METTL24: variants seen among roughly 807,000 people sequenced by gnomAD.
METTL24 encodes methyltransferase like 24.
METTL24 carries 29 observed loss-of-function variants against 32.7 expected under a neutral mutation model. The observed-to-expected ratio is 0.89, with a 90% CI of 0.66 to 1.21. The LOEUF is 1.21. Ranked by LOEUF, METTL24 falls within the 50% of genes most tolerant of loss-of-function variation. The pLI is 0.00. For missense variants in METTL24, 439 were observed against 468.1 expected (o/e 0.94, Z 0.57); for synonymous variants, 163 against 179.5 (o/e 0.91, Z 0.73).
chr6:110,266,234 T>C (rs1770855893), intron 4 of METTL24, among the ~76,000 whole-genome samples: 1 of 152,112 alleles, frequency 6.6e-6, no homozygotes, highest in Non-Finnish European at 1.5e-5. Context: ...ATTTTTAAAC[T>C]ACTGTTACTT....
chr6:110,312,463 G>A (rs1022058023), intron 3 of METTL24, among the ~76,000 whole-genome samples: 1 of 152,122 alleles, frequency 6.6e-6, no homozygotes, highest in Non-Finnish European at 1.5e-5. Context: ...GTGTCCATTA[G>A]TGATAAATAA....
chr6:110,316,270 G>C (rs1771817646), intron 2 of METTL24, among the ~76,000 whole-genome samples: 1 of 152,204 alleles, frequency 6.6e-6, no homozygotes, highest in Non-Finnish European at 1.5e-5. Context: ...TCAAGCAAAA[G>C]CAAGTCTCTA....
At chr6:110,308,637 A>T (rs1486928431) in intron 3 of METTL24, among the ~76,000 whole-genome samples, 1 of 152,232 alleles carries the variant, frequency 6.6e-6, no homozygotes, top group Non-Finnish European at 1.5e-5. Flanking sequence ...CTTGTACAGG[A>T]ATGTTCATAG....
intron 4 of METTL24, among the ~76,000 whole-genome samples, chr6:110,274,656 TA>T (rs1771013528): frequency 1.3e-5 from 2 of 151,652 alleles, no homozygotes; most frequent in South Asian, 2.1e-4. Flanking sequence ...ACTATTGACA[TA>T]AAAAAATTTT....
In METTL24 at chr6:110,315,400, C is replaced by T. The variant is rs41288586; in HGVS notation, c.499G>A (p.Asp167Asn). ...THKPWSVCLDDRFNLAHQIRN... is the reference protein window; with the variant it reads ...THKPWSVCLDNRFNLAHQIRN... ...ATTTGATGAGCTAAATTGAACCTGT[C>T]GTCAAGACACACTGACCAGGGCTTG... Residue 167 changes from aspartate to asparagine, a missense_variant, in exon 3 of 5, where the codon GAC becomes AAC. Transcript: ENST00000338882. 6,598 of 1,614,150 alleles carry T rather than the reference C, an allele frequency of 4.1e-3. 20 individuals carry two copies. Among genetic ancestry groups the T allele is most frequent in the Non-Finnish European group, 5.0e-3 (5,858 of 1,180,026 alleles).
At chr6:110,354,245 C>T (rs558126053) in intron 1 of METTL24, among the ~76,000 whole-genome samples, 6 of 152,110 alleles carry the variant, frequency 3.9e-5, no homozygotes, top group South Asian at 4.2e-4. Context: ...AAGAAGGGGA[C>T]GAGGAAAGAA....
intron 3 of METTL24, among the ~76,000 whole-genome samples, chr6:110,308,890 A>G (rs901133056): frequency 3.9e-5 from 6 of 152,106 alleles, no homozygotes; most frequent in Non-Finnish European, 7.4e-5. Context: ...TGAAATGTCC[A>G]GAATGGGTGA....
At chr6:110,334,810 A>T (rs13191949) in intron 1 of METTL24, among the ~76,000 whole-genome samples, 20,658 of 152,214 alleles carry the variant, frequency 0.14, 1,440 homozygotes, top group Non-Finnish European at 0.15. Context: ...ATACTGACCT[A>T]TCCTACTCTC....
intron 1 of METTL24, among the ~76,000 whole-genome samples, chr6:110,342,175 G>C (rs1224862853): frequency 6.6e-6 from 1 of 152,210 alleles, no homozygotes; most frequent in African/African-American, 2.4e-5. Context: ...AGGTCAGCAA[G>C]CTCACAGCGA....
intron 4 of METTL24, among the ~76,000 whole-genome samples, chr6:110,279,707 G>A (rs1042700749): frequency 2.6e-5 from 4 of 152,118 alleles, no homozygotes; most frequent in African/African-American, 9.7e-5. Context: ...AAAGGACAAT[G>A]AAGTGTCTTT....
At chr6:110,305,642 G>A (rs1365298092) in intron 3 of METTL24, among the ~76,000 whole-genome samples, 1 of 151,914 alleles carries the variant, frequency 6.6e-6, no homozygotes, top group African/African-American at 2.4e-5. Context: ...TCTCATGCCA[G>A]TTAGAATGGT....
intron 1 of METTL24, among the ~76,000 whole-genome samples, chr6:110,349,806 G>A: frequency 6.6e-6 from 1 of 152,216 alleles, no homozygotes; most frequent in Non-Finnish European, 1.5e-5. Flanking sequence ...GGTCTGCCAA[G>A]GTTCTTAGTT....
At chr6:110,298,471 AG>A (rs1231635339) in intron 4 of METTL24, among the ~76,000 whole-genome samples, 1 of 152,110 alleles carries the variant, frequency 6.6e-6, no homozygotes, top group Non-Finnish European at 1.5e-5. Flanking sequence ...TGTAGAGCCT[AG>A]ACGTTCAAAA....
At chr6:110,323,549 A>G (rs1273140286) in intron 1 of METTL24, among the ~76,000 whole-genome samples, 1 of 152,172 alleles carries the variant, frequency 6.6e-6, no homozygotes, top group Non-Finnish European at 1.5e-5. Context: ...CTTTTGTAGC[A>G]AGGATGGGTG....
intron 2 of METTL24, among the ~76,000 whole-genome samples, chr6:110,319,464 A>ATGG (rs1562236286): frequency 2.0e-3 from 239 of 118,554 alleles, no homozygotes; most frequent in African/African-American, 7.5e-3. Context: ...TAGATAGATG[A>ATGG]CAGACAGAAA....
chr6:110,314,819 C>T (rs537477202), intron 3 of METTL24, among the ~76,000 whole-genome samples: 1 of 151,884 alleles, frequency 6.6e-6, no homozygotes, highest in African/African-American at 2.4e-5. Flanking sequence ...AAAAATTAGC[C>T]GGGTGTGGTG....
chr6:110,342,468 T>A (rs1399099055), intron 1 of METTL24, among the ~76,000 whole-genome samples: 2 of 152,194 alleles, frequency 1.3e-5, no homozygotes, highest in Non-Finnish European at 2.9e-5. Flanking sequence ...ACAGTTCATT[T>A]CTCTTTATCT....
intron 1 of METTL24, among the ~76,000 whole-genome samples, chr6:110,340,927 A>G (rs1772343470): frequency 6.6e-6 from 1 of 152,100 alleles, no homozygotes. Flanking sequence ...TAACCTAAGA[A>G]TTCCTCAGAT....
At chr6:110,270,436 T>C (rs1246565887) in intron 4 of METTL24, among the ~76,000 whole-genome samples, 2 of 152,084 alleles carry the variant, frequency 1.3e-5, no homozygotes, top group Non-Finnish European at 2.9e-5. Context: ...CCAGTGTGCG[T>C]ACACCATTTA....
Sources: gnomAD v4.1 joint callset for allele counts (sites outside exome capture counted in the v4.1 genomes callset) on GRCh38, gnomAD v4.1.1 for gene constraint, MANE v1.5 for transcripts, NCBI Gene and HGNC (gene_info 2026-07-23, HGNC 2026-07-21) for gene names.